ILDR1: variants seen among roughly 807,000 people sequenced by gnomAD.
The protein encoded by ILDR1 is immunoglobulin-like domain-containing receptor 1.
ILDR1 carries 56 observed loss-of-function variants against 62.4 expected under a neutral mutation model. The observed-to-expected ratio is 0.90, with a 90% CI of 0.72 to 1.12. The LOEUF (loss-of-function observed/expected upper bound fraction) is 1.12. ILDR1 is among the 50% of genes most tolerant of loss of function. ILDR1 has a pLI of 0.00. For synonymous variants in ILDR1, 284 were observed against 277.8 expected (o/e 1.02, Z -0.22); for missense variants, 736 against 710.6 (o/e 1.04, Z -0.41).
Position 121,993,608 on chromosome 3 carries a change from G to A in ILDR1, c.1141C>T (p.Gln381Ter). The change falls in exon 7 of 8, where the codon CAG becomes TAG. Residue 381 changes from glutamine (Q) to a stop codon, truncating the protein, a stop_gained. Coordinates refer to ENST00000344209, the MANE Select transcript of ILDR1 (RefSeq NM_001199799.2). LOFTEE classifies it high-confidence loss of function. ...HHYPDFHQELQDRGPKSWALE... is the reference protein window; with the variant it reads ...HHYPDFHQEL The stretch of plus-strand genomic sequence containing the variant: ...GCCCAAGACTTTGGCCCCCGGTCCT[G>A]GAGCTCCTGGTGGAAATCAGGGTAA... 1.2e-6 allele frequency: 2 copies of A among 1,614,214 alleles called. No individual in the cohort carries two copies. The highest frequency in any genetic ancestry group is 1.7e-6 in the Non-Finnish European group (2 of 1,180,038).
rs572716256 is a variant in ILDR1 at position 122,001,690 on chromosome 3, G to T, written c.499+55C>A. ...TGGTTTTTTTTTTTTTTTCCTGTGA[G>T]TAAAAGTGTTACGGCAGTGAGGGTG... On this transcript the variant is annotated intron_variant, in intron 4 of 7. Coordinates refer to ENST00000344209, the MANE Select transcript of ILDR1 (RefSeq NM_001199799.2). The T allele has an allele frequency of 7.9e-4, 1,242 of 1,575,198 alleles. 1 individual carries two copies. Among genetic ancestry groups the T allele is most frequent in the Non-Finnish European group, 1.0e-3 (1,162 of 1,149,666 alleles).
chr3:122,045,160 T>C, the ILDR1 span, among the ~76,000 whole-genome samples: 2 of 150,968 alleles, frequency 1.3e-5, no homozygotes, highest in Non-Finnish European at 3.0e-5. Context: ...TATTTCTGCC[T>C]TCATTTCGTT....
At chr3:122,036,510 A>C in the ILDR1 span, among the ~76,000 whole-genome samples, 1 of 151,636 alleles carries the variant, frequency 6.6e-6, no homozygotes, top group African/African-American at 2.4e-5. Context: ...AATGGTGTCA[A>C]CGCGGGAGGT....
At chr3:122,055,476 C>T in the ILDR1 span, 7 of 1,613,594 alleles carry the variant, frequency 4.3e-6, no homozygotes, top group Non-Finnish European at 3.4e-6. Flanking sequence ...TAGGTCACAG[C>T]AGAAGCAGCC....
chr3:122,041,814 A>G, the ILDR1 span, among the ~76,000 whole-genome samples: 9 of 151,312 alleles, frequency 5.9e-5, no homozygotes, highest in African/African-American at 1.9e-4. Context: ...TTTCTGGTGG[A>G]ATCTTTAGAG....
the ILDR1 span, among the ~76,000 whole-genome samples, chr3:122,042,101 A>G: frequency 1.2e-4 from 12 of 102,332 alleles, no homozygotes; most frequent in African/African-American, 3.8e-4. Context: ...AGAGTGTGAT[A>G]TTCCCCTTCC....
chr3:122,037,934 C>T, the ILDR1 span, among the ~76,000 whole-genome samples: 1 of 151,514 alleles, frequency 6.6e-6, no homozygotes, highest in African/African-American at 2.5e-5. Flanking sequence ...CTCTCTCTCT[C>T]TCTGTCTCTC....
chr3:122,021,909 AGC>A (rs1235156412), intron 1 of ILDR1, 109 bp downstream of exon 1: 1 of 1,018,990 alleles, frequency 9.8e-7, no homozygotes, highest in Non-Finnish European at 1.5e-6. Context: ...GCGCCACCAG[AGC>A]GCGGCCCAGG....
intron 2 of ILDR1, 50 bp downstream of exon 2, chr3:122,006,941 C>A (rs754435579): frequency 6.3e-7 from 1 of 1,577,786 alleles, no homozygotes; most frequent in South Asian, 1.1e-5. Context: ...CGCAGTATGT[C>A]ACAGAGGTGT....
At chr3:121,994,143 C>T in intron 6 of ILDR1, 39 bp downstream of exon 6, 4 of 1,533,158 alleles carry the variant, frequency 2.6e-6, no homozygotes, top group Non-Finnish European at 3.5e-6. Flanking sequence ...CGCCCTTGCC[C>T]TCTGCCCTCC....
At chr3:122,060,884 G>A in the ILDR1 span, among the ~76,000 whole-genome samples, 1 of 152,030 alleles carries the variant, frequency 6.6e-6, no homozygotes, top group Non-Finnish European at 1.5e-5. Context: ...ACAAGCCCAA[G>A]AGGAATTTCA....
At chr3:122,055,361 C>T in the ILDR1 span, 3 of 848,004 alleles carry the variant, frequency 3.5e-6, no homozygotes, top group Non-Finnish European at 6.0e-6. Flanking sequence ...GGTAGGTATA[C>T]AGTCATTGCC....
chr3:122,038,968 G>T, the ILDR1 span, among the ~76,000 whole-genome samples: 1 of 151,696 alleles, frequency 6.6e-6, no homozygotes, highest in Admixed American at 6.6e-5. Flanking sequence ...ATTATTAATT[G>T]CCAATTAAAA....
the ILDR1 span, among the ~76,000 whole-genome samples, chr3:122,055,728 G>T: frequency 9.9e-5 from 15 of 152,134 alleles, no homozygotes; most frequent in East Asian, 2.7e-3. Flanking sequence ...CCTAATTTTG[G>T]TTTTGTAAAT....
At chr3:122,060,007 A>T in the ILDR1 span, among the ~76,000 whole-genome samples, 2 of 151,948 alleles carry the variant, frequency 1.3e-5, no homozygotes, top group African/African-American at 4.8e-5. Flanking sequence ...TGGCTTCCAG[A>T]AAAAAAATAA....
intron 2 of ILDR1, among the ~76,000 whole-genome samples, chr3:122,006,146 T>G (rs1336799151): frequency 2.0e-5 from 3 of 152,140 alleles, no homozygotes; most frequent in African/African-American, 7.2e-5. Flanking sequence ...GAGGTTCTAC[T>G]CAAATCATAT....
At chr3:122,048,802 C>T in the ILDR1 span, among the ~76,000 whole-genome samples, 1 of 151,894 alleles carries the variant, frequency 6.6e-6, no homozygotes, top group South Asian at 2.1e-4. Flanking sequence ...TTATCTGAGT[C>T]TTCTCTTTTT....
chr3:122,060,420 C>G, the ILDR1 span, among the ~76,000 whole-genome samples: 1 of 152,102 alleles, frequency 6.6e-6, no homozygotes. Context: ...GTAAACTCAC[C>G]TCTGCTGTCG....
rs1379613059 is a variant in ILDR1 at position 122,022,121 on chromosome 3, A to T, written c.-44T>A. Reference sequence around the variant, plus strand: ...CTTTTCAGCTCAGGGGCTTCGGGGCACTGCGTCTTTCTTCCTCAGCTGCCG... The same window carrying T: ...CTTTTCAGCTCAGGGGCTTCGGGGCTCTGCGTCTTTCTTCCTCAGCTGCCG... On this transcript the variant is annotated 5_prime_UTR_variant, in exon 1 of 8. Transcript: ENST00000344209. 4.5e-6 allele frequency: 7 copies of T among 1,539,060 alleles called. No individual in the cohort carries two copies. The East Asian group carries it at 1.7e-4, about 36-fold the overall frequency.
Sources: gnomAD v4.1 joint callset for allele counts (sites outside exome capture counted in the v4.1 genomes callset) on GRCh38, gnomAD v4.1.1 for gene constraint, MANE v1.5 for transcripts, NCBI Gene and HGNC (gene_info 2026-07-23, HGNC 2026-07-21) for gene names.